The following MAP4K3 variants were observed in gnomAD, a reference collection of about 807,000 sequenced individuals.
The protein encoded by MAP4K3 is MAPK/ERK kinase kinase kinase 3.
MAP4K3 carries 94 observed loss-of-function variants against 143.5 expected under a neutral mutation model. The ratio of observed to expected loss-of-function variants is 0.65; its 90% CI spans 0.55 to 0.78. MAP4K3 has a LOEUF of 0.78. Among genes scored for constraint, MAP4K3 ranks in the 30% least tolerant of loss-of-function variants. The pLI, the probability that MAP4K3 is intolerant of heterozygous loss-of-function variation, is 0.00. For synonymous variants in MAP4K3, 416 were observed against 347.2 expected, an observed-to-expected ratio of 1.20 and a Z score of -2.20; for missense variants, 1,077 against 1,068.1, an observed-to-expected ratio of 1.01 and a Z score of -0.12.
intron 1 of MAP4K3, among the ~76,000 whole-genome samples, chr2:39,389,917 C>G (rs190529479): frequency 2.5e-4 from 38 of 152,134 alleles, no homozygotes; most frequent in African/African-American, 8.7e-4. Flanking sequence ...AACTAGAACT[C>G]AAATATGGAG....
intron 1 of MAP4K3, among the ~76,000 whole-genome samples, chr2:39,410,150 G>A (rs982090710): frequency 3.9e-5 from 6 of 152,160 alleles, no homozygotes; most frequent in African/African-American, 1.4e-4. Context: ...GGGTATGGTA[G>A]TTTGGGATTG....
At chr2:39,430,786 T>C (rs1344956913) in intron 1 of MAP4K3, among the ~76,000 whole-genome samples, 1 of 152,232 alleles carries the variant, frequency 6.6e-6, no homozygotes, top group Non-Finnish European at 1.5e-5. Context: ...CCCTACTGAT[T>C]AGATTTAAGA....
chr2:39,298,841 T>C lies in MAP4K3; in HGVS notation c.1178+902A>G, dbSNP rs563881753. Among the ~76,000 whole-genome samples the C allele has an allele frequency of 6.1e-4, 93 of 151,970 alleles. 2 individuals carry two copies. The South Asian group carries it at 0.019, about 32-fold the overall frequency. ...ATTAGCTTGGCATGGTGGCAGGCCC[T>C]TGTAGTCCCAGCTACTGGGAGGCTG... On this transcript the variant is annotated intron_variant, in intron 16 of 33. Coordinates refer to ENST00000263881, the MANE Select transcript of MAP4K3 (RefSeq NM_003618.4).
chr2:39,298,942 G>T (rs919352811), intron 16 of MAP4K3, among the ~76,000 whole-genome samples: 6 of 145,686 alleles, frequency 4.1e-5, no homozygotes, highest in African/African-American at 1.6e-4. Context: ...TGCAGCCTGG[G>T]CAACAGAGTG....
chr2:39,338,111 T>C (rs1025638579), intron 4 of MAP4K3, among the ~76,000 whole-genome samples: 1 of 152,130 alleles, frequency 6.6e-6, no homozygotes, highest in African/African-American at 2.4e-5. Flanking sequence ...GTATCTCCAG[T>C]GTGCAGAACA....
At position 39,408,042 on chromosome 2, in the gene MAP4K3, C is replaced by G. The variant is rs923201157; in HGVS notation, c.96+28850G>C. ...AGTCAAGTTTATGATCAGGACTGCT[C>G]TTATCTACAAAGCTTTTAACCCTTG... On this transcript the variant is annotated intron_variant, in intron 1 of 33. Transcript: ENST00000263881. Among the ~76,000 whole-genome samples the G allele has an allele frequency of 9.9e-5, 15 of 152,110 alleles. No individual in the cohort carries two copies. The South Asian group carries it at 3.1e-3, about 32-fold the overall frequency.
intron 1 of MAP4K3, among the ~76,000 whole-genome samples, chr2:39,391,358 CAAAAAA>C (rs755777714): frequency 1.8e-4 from 8 of 45,432 alleles, no homozygotes; most frequent in Admixed American, 8.3e-4. Flanking sequence ...GACTCCATCT[CAAAAAA>C]AAAAAAAAAA....
intron 1 of MAP4K3, among the ~76,000 whole-genome samples, chr2:39,408,445 C>A (rs1346113476): frequency 6.6e-6 from 1 of 152,182 alleles, no homozygotes; most frequent in East Asian, 1.9e-4. Context: ...AGAACACCAA[C>A]AGAGAGAATG....
intron 9 of MAP4K3, 83 bp from the exon 10 acceptor site, chr2:39,326,044 C>T (rs1683480008): frequency 6.7e-7 from 1 of 1,497,850 alleles, no homozygotes; most frequent in Non-Finnish European, 9.1e-7. Context: ...TATTTGTTCC[C>T]CAAATAAGGT....
chr2:39,284,983 C>T (rs1412146157), intron 21 of MAP4K3, among the ~76,000 whole-genome samples: 2 of 152,034 alleles, frequency 1.3e-5, no homozygotes. Flanking sequence ...ACCTCAACCT[C>T]CTGGGCTCAT....
intron 1 of MAP4K3, among the ~76,000 whole-genome samples, chr2:39,403,486 T>G (rs1039081699): frequency 6.6e-6 from 1 of 152,086 alleles, no homozygotes; most frequent in African/African-American, 2.4e-5. Context: ...GCACAGTGAT[T>G]GTGAGACTTT....
At chr2:39,386,352 C>G (rs1666504976) in intron 1 of MAP4K3, among the ~76,000 whole-genome samples, 1 of 152,226 alleles carries the variant, frequency 6.6e-6, no homozygotes, top group Non-Finnish European at 1.5e-5. Flanking sequence ...CAGTCTGTGG[C>G]ATTTTGTTAT....
chr2:39,406,433 A>AG (rs1415263246), intron 1 of MAP4K3, among the ~76,000 whole-genome samples: 1 of 152,194 alleles, frequency 6.6e-6, no homozygotes, highest in East Asian at 1.9e-4. Flanking sequence ...CAAGACATTG[A>AG]ATACTCCAAA....
intron 3 of MAP4K3, among the ~76,000 whole-genome samples, chr2:39,344,515 T>C (rs1433098170): frequency 1.3e-5 from 2 of 152,264 alleles, no homozygotes; most frequent in African/African-American, 2.4e-5. Flanking sequence ...ATTTCTATAC[T>C]GTATGGCTGC....
chr2:39,260,685 A>G lies in MAP4K3; in HGVS notation c.2229T>C (p.Ser743=). 1 of 1,613,934 alleles carries G rather than the reference A, an allele frequency of 6.2e-7. No individual in the cohort carries two copies. Among genetic ancestry groups the G allele is most frequent in the Non-Finnish European group, 8.5e-7 (1 of 1,179,796 alleles). ...QEYPLVCVGV[S]RGRDFNQVVR... ...CCACTTGGTTGAAGTCTCTACCTCT[A>G]CTGACACCAACACAAACTAAAGGGT... is the stretch of plus-strand genomic sequence containing the variant. The change falls in exon 29 of 34, where the codon AGT becomes AGC. Residue 743 remains serine, a synonymous_variant. Transcript: ENST00000263881.
intron 1 of MAP4K3, among the ~76,000 whole-genome samples, chr2:39,401,543 T>C (rs931205525): frequency 6.6e-6 from 1 of 152,124 alleles, no homozygotes; most frequent in Non-Finnish European, 1.5e-5. Flanking sequence ...TTCATGCCTG[T>C]AATCCTAGCA....
intron 1 of MAP4K3, among the ~76,000 whole-genome samples, chr2:39,424,830 CAAAAAAAA>C (rs58960920): frequency 8.8e-5 from 6 of 68,198 alleles, no homozygotes; most frequent in South Asian, 5.8e-4. Flanking sequence ...TAACCTGACT[CAAAAAAAA>C]AAAAAAAAAA....
chr2:39,259,384 G>C (rs1215057760), intron 29 of MAP4K3, among the ~76,000 whole-genome samples: 1 of 152,094 alleles, frequency 6.6e-6, no homozygotes, highest in Non-Finnish European at 1.5e-5. Context: ...CTCAAGTCTG[G>C]TAATTGCTGC....
In MAP4K3 at chr2:39,412,477, A is replaced by T. The variant is rs533036790; in HGVS notation, c.96+24415T>A. On this transcript the variant is annotated intron_variant, in intron 1 of 33. Transcript: ENST00000263881. ...GGGAAATAAAAACAAAAAAAATTAG[A>T]TTGATTAGTCCTAGGCAGGAGGAAA... Among the ~76,000 whole-genome samples, 4 of 152,326 alleles carry T rather than the reference A, an allele frequency of 2.6e-5. No individual in the cohort carries two copies. The South Asian group carries it at 8.3e-4, about 32-fold the overall frequency.
Sources: allele counts gnomAD v4.1 joint callset (sites outside exome capture counted in the v4.1 genomes callset), GRCh38; gene constraint gnomAD v4.1.1; transcripts MANE v1.5; gene names NCBI Gene and HGNC (gene_info 2026-07-23, HGNC 2026-07-21).